TIAM2: variants seen among roughly 807,000 people sequenced by gnomAD.
The protein encoded by TIAM2 is rho guanine nucleotide exchange factor TIAM2.
Under a neutral mutation model 152.9 loss-of-function variants are expected in TIAM2, and 80 were observed. The ratio of observed to expected loss-of-function variants is 0.52; its 90% CI spans 0.44 to 0.63. The LOEUF is 0.63. TIAM2 is among the 30% of genes least tolerant of loss of function. TIAM2 has a pLI of 0.00. For missense variants in TIAM2, 1,965 were observed against 2,120.1 expected (o/e 0.93, Z 1.44); for synonymous variants, 804 against 838.0 (o/e 0.96, Z 0.70).
At chr6:155,247,943 A>T in intron 19 of TIAM2, 57 bp from the exon 20 acceptor site, 1 of 1,544,338 alleles carries the variant, frequency 6.5e-7, no homozygotes, top group Admixed American at 2.0e-5. Flanking sequence ...AAGAGAAATG[A>T]AGAATTTAAT....
intron 10 of TIAM2, among the ~76,000 whole-genome samples, chr6:155,178,661 A>G (rs1583232602): frequency 6.6e-6 from 1 of 151,830 alleles, no homozygotes; most frequent in South Asian, 2.1e-4. Context: ...TGCAACCTCC[A>G]CCTCCTGGGT....
At chr6:155,113,256 C>T (rs1221341549) in intron 2 of TIAM2, among the ~76,000 whole-genome samples, 1 of 152,106 alleles carries the variant, frequency 6.6e-6, no homozygotes, top group Non-Finnish European at 1.5e-5. Flanking sequence ...GGTGCCCTTT[C>T]CCTGAAATAC....
At chr6:155,050,621 C>T (rs76557329) in intron 1 of TIAM2, among the ~76,000 whole-genome samples, 1,894 of 152,296 alleles carry the variant, frequency 0.012, 50 homozygotes, top group African/African-American at 0.043. Flanking sequence ...TGCGTGCTTT[C>T]CTAGCTTCTC....
chr6:155,242,330 G>T (rs567697695), intron 16 of TIAM2, among the ~76,000 whole-genome samples: 1 of 152,188 alleles, frequency 6.6e-6, no homozygotes, highest in African/African-American at 2.4e-5. Flanking sequence ...TGTTGCTGAC[G>T]TTTAACACAG....
intron 10 of TIAM2, among the ~76,000 whole-genome samples, chr6:155,178,165 TA>T (rs557378875): frequency 0.076 from 6,289 of 83,250 alleles, 173 homozygotes; most frequent in East Asian, 0.19. Flanking sequence ...CGTCTCAAAT[TA>T]AAAAAAAAAA....
At chr6:155,196,749 A>C (rs1241386918) in intron 14 of TIAM2, among the ~76,000 whole-genome samples, 1 of 152,254 alleles carries the variant, frequency 6.6e-6, no homozygotes, top group Non-Finnish European at 1.5e-5. Context: ...AAATTGTAGC[A>C]CATCAGTTCC....
chr6:155,241,151 G>A (rs911618021), intron 16 of TIAM2, among the ~76,000 whole-genome samples: 3 of 151,988 alleles, frequency 2.0e-5, no homozygotes, highest in Non-Finnish European at 4.4e-5. Flanking sequence ...GTGTAGAACT[G>A]GGACGCACAC....
At chr6:155,108,507 A>G (rs1321764828) in intron 2 of TIAM2, among the ~76,000 whole-genome samples, 1 of 152,168 alleles carries the variant, frequency 6.6e-6, no homozygotes, top group Non-Finnish European at 1.5e-5. Context: ...CCATTGAAGA[A>G]CTTAATGACT....
intron 9 of TIAM2, 69 bp downstream of exon 9, chr6:155,165,478 A>G (rs1223266371): frequency 4.5e-6 from 7 of 1,543,956 alleles, no homozygotes; most frequent in Non-Finnish European, 5.2e-6. Flanking sequence ...TCGGCCTGCT[A>G]TGAATCATCA....
chr6:155,139,382 C>T (rs1246930308), intron 5 of TIAM2, among the ~76,000 whole-genome samples: 1 of 152,192 alleles, frequency 6.6e-6, no homozygotes, highest in East Asian at 1.9e-4. Flanking sequence ...GCCCAGCATT[C>T]CTCACACGCT....
In TIAM2 at chr6:155,148,218, A is replaced by G. The variant is rs1389340434; in HGVS notation, c.1912A>G (p.Asn638Asp). 1 of 1,613,178 alleles carries G rather than the reference A, an allele frequency of 6.2e-7. No homozygotes were observed. The highest frequency in any genetic ancestry group is 8.5e-7 in the Non-Finnish European group (1 of 1,180,024). Residue 638 changes from asparagine to aspartate, a missense_variant, in exon 7 of 27, where the codon AAC (asparagine) becomes GAC (aspartate). Asn to Asp is a conservative substitution (Grantham distance 23). This residue lies in a region of TIAM2 where 1,025 missense variants were observed against 1,119.4 expected (regional missense o/e 0.92). Coordinates refer to ENST00000682666, the MANE Select transcript of TIAM2 (RefSeq NM_012454.4). ...GKEDTLRLLK[N>D]QTKNLLQKID... is the part of the protein sequence containing the mutation. ...AGAGGACACGCTGCGGCTGCTGAAG[A>G]ACCAGACCAAAAACCTGCTTCAGAA...
At chr6:155,141,356 C>T (rs1378653732) in intron 5 of TIAM2, among the ~76,000 whole-genome samples, 1 of 151,730 alleles carries the variant, frequency 6.6e-6, no homozygotes, top group African/African-American at 2.4e-5. Context: ...TTGGACTTAA[C>T]TGTTTGGTTT....
At chr6:155,057,271 T>G (rs1299902091) in intron 1 of TIAM2, among the ~76,000 whole-genome samples, 1 of 151,480 alleles carries the variant, frequency 6.6e-6, no homozygotes, top group Non-Finnish European at 1.5e-5. Flanking sequence ...ACTCCCTAAC[T>G]TAAGCGATTT....
chr6:155,181,588 G>A (rs1780905075), intron 12 of TIAM2, among the ~76,000 whole-genome samples: 1 of 151,990 alleles, frequency 6.6e-6, no homozygotes, highest in Non-Finnish European at 1.5e-5. Context: ...TTTTCGTCTT[G>A]TAAAGCTGAA....
At chr6:155,202,539 C>CT (rs1413265399) in intron 14 of TIAM2, among the ~76,000 whole-genome samples, 3 of 152,060 alleles carry the variant, frequency 2.0e-5, no homozygotes, top group African/African-American at 7.2e-5. Context: ...CTGCCTCAGC[C>CT]TCCTGAGTGG....
In TIAM2 at chr6:154,995,742, T is replaced by C. The variant is rs1778201280; in HGVS notation, c.-209+250T>C. ...GCCTGGCACGGGGGACGAAGCACTT[T>C]CCAGAAGGCTCTGAAACTAGGTCCC... On this transcript the variant is annotated intron_variant, in intron 1 of 26. Transcript: ENST00000682666. The surrounding 1 kb of genome is among the most constrained non-coding windows in gnomAD (Gnocchi z 5.2). Among the ~76,000 whole-genome samples the C allele has an allele frequency of 1.3e-5, 2 of 152,076 alleles. No homozygotes were observed. Among genetic ancestry groups the C allele is most frequent in the South Asian group, 4.1e-4 (2 of 4,828 alleles).
intron 1 of TIAM2, among the ~76,000 whole-genome samples, chr6:155,039,698 T>C (rs1776986182): frequency 3.3e-5 from 5 of 152,138 alleles, no homozygotes; most frequent in Admixed American, 3.3e-4. Flanking sequence ...GACTGCATTG[T>C]TGGGGCCCTT....
chr6:155,115,840 C>T (rs893482150), intron 2 of TIAM2, among the ~76,000 whole-genome samples: 29 of 152,306 alleles, frequency 1.9e-4, no homozygotes, highest in African/African-American at 7.0e-4. Flanking sequence ...AAGGATTGGT[C>T]AGGCGTGGTG....
chr6:155,226,679 G>A (rs1782259803), intron 15 of TIAM2, among the ~76,000 whole-genome samples: 1 of 150,498 alleles, frequency 6.6e-6, no homozygotes, highest in Admixed American at 6.6e-5. Flanking sequence ...TGGGGGCGGG[G>A]GGCAGGGAAG....
Sources: allele counts gnomAD v4.1 joint callset (sites outside exome capture counted in the v4.1 genomes callset), GRCh38; gene constraint gnomAD v4.1.1; regional missense constraint gnomAD v4.1.1; non-coding constraint Gnocchi (gnomAD v3.1); transcripts MANE v1.5; gene names NCBI Gene and HGNC (gene_info 2026-07-23, HGNC 2026-07-21).